PPP6C: variants seen among roughly 807,000 people sequenced by gnomAD.
PPP6C encodes serine/threonine-protein phosphatase 6 catalytic subunit.
PPP6C carries 11 observed loss-of-function variants against 39.8 expected under a neutral mutation model. That is an observed-to-expected ratio of 0.28 (90% confidence interval 0.17 to 0.46). The LOEUF is 0.46. Among genes scored for constraint, PPP6C ranks in the 20% least tolerant of loss-of-function variants. The pLI is 1.00. For synonymous variants in PPP6C, 129 were observed against 130.3 expected (o/e 0.99, Z 0.07); for missense variants, 211 against 373.9 (o/e 0.56, Z 3.59).
intron 6 of PPP6C, among the ~76,000 whole-genome samples, chr9:125,152,676 C>T (rs1378891206): frequency 6.6e-6 from 1 of 151,524 alleles, no homozygotes; most frequent in Non-Finnish European, 1.5e-5. Context: ...ACTAAAAATA[C>T]AAAATTAGCC....
At chr9:125,174,843 C>CA (rs1040174465) in intron 1 of PPP6C, among the ~76,000 whole-genome samples, 34 of 152,106 alleles carry the variant, frequency 2.2e-4, no homozygotes, top group African/African-American at 6.7e-4. Flanking sequence ...GCCTTGGAGG[C>CA]AGAGGTTGCA....
chr9:125,173,678 C>T (rs1026769970), intron 1 of PPP6C, among the ~76,000 whole-genome samples: 9 of 152,034 alleles, frequency 5.9e-5, no homozygotes, highest in Middle Eastern at 3.4e-3. Flanking sequence ...AGTGCAGTGG[C>T]GCAATCTCAG....
At position 125,163,465 on chromosome 9, in the gene PPP6C, C is replaced by T. The variant is rs537790159; in HGVS notation, c.172-2559G>A. Among the ~76,000 whole-genome samples the T allele has an allele frequency of 9.2e-5, 14 of 152,278 alleles. 1 individual carries two copies. In the South Asian group the frequency reaches 2.9e-3, roughly 32 times the overall value. ...TTTGTTTTTTTGAGACAGTCTCACT[C>T]TGTTGCCCAGGCTGCAATGCAATGG... On this transcript the variant is annotated intron_variant, in intron 2 of 6. Coordinates refer to ENST00000373547, the MANE Select transcript of PPP6C (RefSeq NM_002721.5).
chr9:125,147,679 T>C lies in PPP6C; in HGVS notation c.*1994A>G, dbSNP rs1835843333. 6.6e-6 allele frequency: 1 copy of C among 152,086 alleles called. No homozygotes were observed. The highest frequency in any genetic ancestry group is 1.5e-5 in the Non-Finnish European group (1 of 68,000). 9.4% of individuals were successfully genotyped at this position (152,086 alleles called of 1,614,324 possible). ...TGACTTAAAAATAAAAGTCACATTA[T>C]AGGGATAACAAAAACAACTACATCA... On this transcript the variant is annotated 3_prime_UTR_variant, in exon 7 of 7. Transcript: ENST00000373547.
chr9:125,150,136 CAGTT>C (rs1468054523), intron 6 of PPP6C, among the ~76,000 whole-genome samples: 21 of 152,190 alleles, frequency 1.4e-4, no homozygotes, highest in Non-Finnish European at 2.2e-4. Context: ...GCTACATAAA[CAGTT>C]AGAAATTTCT....
rs1174612097 is a variant in PPP6C at position 125,189,765 on chromosome 9, A to AGCGGCGGCG, written c.-56_-48dup. ...CAACAGCGGCGGCGGCGGCTGTAGC[A>AGCGGCGGCG]GCGGCGGCGGCAGCGGCGGAGGCCG... is the stretch of plus-strand genomic sequence containing the variant. On this transcript the variant is annotated 5_prime_UTR_variant, in exon 1 of 7. Transcript: ENST00000373547. 21 of 1,545,928 alleles carry AGCGGCGGCG rather than the reference A, an allele frequency of 1.4e-5. No homozygotes were observed. Among genetic ancestry groups the AGCGGCGGCG allele is most frequent in the Non-Finnish European group, 1.8e-5 (21 of 1,147,374 alleles).
rs1448230415 is a variant in PPP6C at position 125,164,101 on chromosome 9, T to C, written c.172-3195A>G. 2.0e-5 allele frequency among the ~76,000 whole-genome samples: 3 copies of C among 151,914 alleles called. No homozygotes were observed. In the East Asian group the frequency reaches 5.8e-4, roughly 29 times the overall value. ...GATCCACCCGCTTCGGTTTCCCAAA[T>C]GCTAGGATTACAGGCATGAGCCACA... On this transcript the variant is annotated intron_variant, in intron 2 of 6. Transcript: ENST00000373547.
chr9:125,189,502 C>CGGGTAGGACCGGGTCGACTGGCAATG, intron 1 of PPP6C, 142 bp downstream of exon 1: 1 of 1,459,214 alleles, frequency 6.9e-7, no homozygotes, highest in Non-Finnish European at 9.0e-7. Flanking sequence ...GGCGTGACGC[C>CGGGTAGGACCGGGTCGACTGGCAATG]GGGTAGGACC....
intron 6 of PPP6C, chr9:125,150,820 G>C: frequency 4.0e-6 from 3 of 753,612 alleles, no homozygotes; most frequent in Non-Finnish European, 4.9e-6. Context: ...ATCATTCAGA[G>C]TGGTTGTGGC....
In PPP6C at chr9:125,172,751, A is replaced by AC. The variant is rs1564154778; in HGVS notation, c.76-1572_76-1571insG. On this transcript the variant is annotated intron_variant, in intron 1 of 6. Coordinates refer to ENST00000373547, the MANE Select transcript of PPP6C (RefSeq NM_002721.5). ...CACACACACACACACACACACACAC[A>AC]AACACACACACACACACACAAACAC... is the stretch of plus-strand genomic sequence containing the variant. Among the ~76,000 whole-genome samples, 509 of 136,642 alleles carry AC rather than the reference A, an allele frequency of 3.7e-3. 5 individuals are homozygous for AC. Among genetic ancestry groups the AC allele is most frequent in the Admixed American group, 0.02 (285 of 13,916 alleles). 89.6% of individuals were successfully genotyped at this position (136,642 alleles called of 152,430 possible). A position where few individuals can be genotyped will look rare whatever the true frequency, so the allele number is the denominator to read the frequency against.
At position 125,149,507 on chromosome 9, in the gene PPP6C, C is replaced by A; in HGVS notation, c.*166G>T. The A allele has an allele frequency of 1.1e-6, 1 of 882,808 alleles. No homozygotes were observed. The highest frequency in any genetic ancestry group is 1.6e-6 in the Non-Finnish European group (1 of 607,502). 54.7% of individuals were successfully genotyped at this position (882,808 alleles called of 1,614,324 possible). A position where few individuals can be genotyped will look rare whatever the true frequency, so the allele number is the denominator to read the frequency against. ...TGATAGAAAAACTTTGCTATAGACA[C>A]CACAACAAACAATAAATTTAGATAA... On this transcript the variant is annotated 3_prime_UTR_variant, in exon 7 of 7. Transcript: ENST00000373547.
chr9:125,166,310 A>C (rs942560207), intron 2 of PPP6C, among the ~76,000 whole-genome samples: 5 of 152,148 alleles, frequency 3.3e-5, no homozygotes, highest in South Asian at 2.1e-4. Context: ...CCAAAATTCC[A>C]ATTTTTCATT....
intron 1 of PPP6C, among the ~76,000 whole-genome samples, chr9:125,178,350 G>A (rs1427450250): frequency 6.6e-6 from 1 of 152,052 alleles, no homozygotes; most frequent in African/African-American, 2.4e-5. Context: ...CATTCTAATA[G>A]GTATATAGTG....
At chr9:125,151,350 C>G in intron 6 of PPP6C, 2 of 1,302,992 alleles carry the variant, frequency 1.5e-6, no homozygotes, top group Admixed American at 3.4e-5. Context: ...CTTCTCTCAG[C>G]TGGAGTCACC....
intron 1 of PPP6C, among the ~76,000 whole-genome samples, chr9:125,171,472 C>CAT (rs1439769175): frequency 6.2e-5 from 2 of 32,404 alleles, no homozygotes; most frequent in East Asian, 7.2e-4. Context: ...CACACACACA[C>CAT]ACACACATAT....
chr9:125,151,588 A>G (rs1292760895), intron 6 of PPP6C: 1 of 769,728 alleles, frequency 1.3e-6, no homozygotes, highest in Non-Finnish European at 2.3e-6. Context: ...ATGTCCCTTT[A>G]TAATACAGTA....
intron 1 of PPP6C, among the ~76,000 whole-genome samples, chr9:125,184,228 A>C (rs1829476868): frequency 6.6e-6 from 1 of 152,136 alleles, no homozygotes; most frequent in Non-Finnish European, 1.5e-5. Context: ...TTTACCAAAA[A>C]TACCAAAAAA....
chr9:125,164,474 C>T (rs1254468471), intron 2 of PPP6C, among the ~76,000 whole-genome samples: 2 of 151,804 alleles, frequency 1.3e-5, no homozygotes, highest in Admixed American at 6.6e-5. Context: ...GTAATCTGCC[C>T]GCCTCAGCCT....
rs555840347 is a variant in PPP6C at position 125,176,543 on chromosome 9, G to C, written c.76-5363C>G. Among the ~76,000 whole-genome samples, 3 of 152,316 alleles carry C rather than the reference G, an allele frequency of 2.0e-5. No individual in the cohort carries two copies. In the South Asian group the frequency reaches 6.2e-4, roughly 32 times the overall value. ...GTGGTGGCATGTGCCTGAAGTCCCA[G>C]ATACTTGGAAGGCTGAGGTGCAAGG... On this transcript the variant is annotated intron_variant, in intron 1 of 6. Transcript: ENST00000373547.
Sources: allele counts gnomAD v4.1 joint callset (sites outside exome capture counted in the v4.1 genomes callset), GRCh38; gene constraint gnomAD v4.1.1; transcripts MANE v1.5; gene names NCBI Gene and HGNC (gene_info 2026-07-23, HGNC 2026-07-21).